Variants in PPP1R3F observed in about 807,000 individuals in gnomAD.
The protein encoded by PPP1R3F is protein phosphatase 1, regulatory (inhibitor) subunit 3F.
A neutral mutation model predicts 24.2 loss-of-function variants in PPP1R3F; 29 were observed. The ratio of observed to expected loss-of-function variants is 1.20; its 90% CI spans 0.89 to 1.63. The LOEUF (loss-of-function observed/expected upper bound fraction) is 1.63, where lower values mean the gene tolerates loss of function less well. Ranked by LOEUF, PPP1R3F falls within the 40% of genes most tolerant of loss-of-function variation. The probability of loss-of-function intolerance (pLI) is 0.00; values close to 1 mark genes in which losing one functional copy is unlikely to be tolerated. For missense variants in PPP1R3F, 823 were observed against 729.3 expected (o/e 1.13, Z -1.48); for synonymous variants, 363 against 340.1 (o/e 1.07, Z -0.74).
intron 1 of PPP1R3F, among the ~76,000 whole-genome samples, chrX:49,280,317 C>T (rs782090839): frequency 1.1e-4 from 12 of 111,391 alleles, no homozygotes; most frequent in South Asian, 7.5e-4. Flanking sequence ...GGTGTGATTT[C>T]GGCTCACTGC....
At chrX:49,294,271 T>G (rs1007494079) in intron 3 of PPP1R3F, among the ~76,000 whole-genome samples, 11 of 108,984 alleles carry the variant, frequency 1.0e-4, no homozygotes, top group African/African-American at 3.3e-4. Flanking sequence ...CACTACATTT[T>G]TTTTTTTTTG....
At chrX:49,289,031 C>T (rs147001947), downstream of PPP1R3F, among the ~76,000 whole-genome samples, 59 of 110,886 alleles carry the variant, frequency 5.3e-4, no homozygotes, top group East Asian at 0.01. Context: ...GAGGCTGAGG[C>T]GGGACAATCG....
At chrX:49,299,647 T>C (rs2066331981) in intron 3 of PPP1R3F, among the ~76,000 whole-genome samples, 1 of 111,811 alleles carries the variant, frequency 8.9e-6, no homozygotes, top group Non-Finnish European at 1.9e-5. Flanking sequence ...CCCAGAAAGA[T>C]GGGAGTTTTA....
At chrX:49,283,873 ACT>A (rs2066264158) in intron 3 of PPP1R3F, among the ~76,000 whole-genome samples, 1 of 111,380 alleles carries the variant, frequency 9.0e-6, no homozygotes, top group South Asian at 3.7e-4. Flanking sequence ...ACTAGAATTA[ACT>A]CTATTTAATT....
At chrX:49,279,471 G>T (rs1205027492) in intron 1 of PPP1R3F, among the ~76,000 whole-genome samples, 1 of 111,645 alleles carries the variant, frequency 9.0e-6, no homozygotes, top group Admixed American at 9.5e-5. Flanking sequence ...ATCACCTGAG[G>T]TCAGGAGTTT....
At chrX:49,289,164 C>T (rs1235868390), downstream of PPP1R3F, among the ~76,000 whole-genome samples, 4 of 111,617 alleles carry the variant, frequency 3.6e-5, no homozygotes, top group African/African-American at 9.8e-5. Context: ...AAAACACCTT[C>T]GTATACTCAT....
intron 3 of PPP1R3F, among the ~76,000 whole-genome samples, chrX:49,283,886 C>A (rs2066264245): frequency 9.0e-6 from 1 of 110,612 alleles, no homozygotes. Flanking sequence ...CTATTTAATT[C>A]TATTATTCCC....
chrX:49,270,137 GA>G lies in PPP1R3F; in HGVS notation c.270del (p.Glu92ArgfsTer80). On this transcript the variant is annotated frameshift_variant, in exon 1 of 4. Transcript: ENST00000055335. LOFTEE classifies it high-confidence loss of function. ...GGACGACGATGGCGAGGATGGGGAT[GA>G]AGGGGAGGAGGAAGAGGAGGCTTGC... ...DEDDDGEDGDEGEEEEEACPE... is the reference protein window; with the variant it reads ...DEDDDGEDGDXGEEEEEACPE... 1 of 1,070,394 alleles carries G rather than the reference GA, an allele frequency of 9.3e-7. No individual in the cohort carries two copies. The allele number at this position is 1,070,394 out of a possible 1,213,427, so 88.2% of individuals were successfully genotyped here.
chrX:49,269,897 C>A lies in PPP1R3F; in HGVS notation c.28C>A (p.Pro10Thr). 1.1e-6 allele frequency: 1 copy of A among 905,672 alleles called. No individual in the cohort carries two copies. The allele number at this position is 905,672 out of a possible 1,213,427, so 74.6% of individuals were successfully genotyped here. ...GGCGCGTACGGCCCCTGTGGAGCCC[C>A]CGCTGCGGCATTCCGCGCCCCCCTC... Reference protein sequence around the residue: MARTAPVEPPLRHSAPPSPA... With the variant: MARTAPVEPTLRHSAPPSPA... Residue 10 changes from proline to threonine, a missense_variant, in exon 1 of 4, where the codon CCG becomes ACG. Transcript: ENST00000055335.
At chrX:49,294,371 G>A (rs1470956922) in intron 3 of PPP1R3F, among the ~76,000 whole-genome samples, 1 of 107,614 alleles carries the variant, frequency 9.3e-6, no homozygotes, top group Non-Finnish European at 1.9e-5. Flanking sequence ...AGACACATGT[G>A]CCACCACACC....
rs2066292514 is a variant in PPP1R3F at position 49,287,169 on chromosome X, TGA to T, written c.*82_*83del. The T allele has an allele frequency of 8.8e-6, 9 of 1,021,103 alleles. No homozygotes were observed. In the Admixed American group the frequency reaches 1.3e-4, roughly 15 times the overall value. 84.2% of individuals were successfully genotyped at this position (1,021,103 alleles called of 1,213,427 possible). A position where few individuals can be genotyped will look rare whatever the true frequency, so the allele number is the denominator to read the frequency against. ...TGAGGGGACCTGGGTCCTTTGCTTC[TGA>T]GAATGCTCAACTGAAAGAGAGGCCT... On this transcript the variant is annotated 3_prime_UTR_variant, in exon 4 of 4. Coordinates refer to ENST00000055335, the MANE Select transcript of PPP1R3F (RefSeq NM_033215.5).
At chrX:49,297,828 C>CTTTTTTTTTTTTTTTTTT (rs61353822) in intron 3 of PPP1R3F, among the ~76,000 whole-genome samples, 11 of 19,615 alleles carry the variant, frequency 5.6e-4, no homozygotes, top group South Asian at 9.7e-3. Context: ...GCAACCCCTG[C>CTTTTTTTTTTTTTTTTTT]TTTTTTTTTT....
intron 1 of PPP1R3F, among the ~76,000 whole-genome samples, chrX:49,271,892 G>A (rs1290597612): frequency 3.6e-5 from 4 of 111,823 alleles, no homozygotes; most frequent in African/African-American, 6.5e-5. Context: ...ATACCCCAGG[G>A]GGCCCCAGAA....
chrX:49,296,496 G>T (rs2066323203), intron 3 of PPP1R3F, among the ~76,000 whole-genome samples: 1 of 111,177 alleles, frequency 9.0e-6, no homozygotes. Context: ...TTTTTGAAGG[G>T]TTTTTCACCT....
At chrX:49,300,929 CTG>C (rs2066335719) in intron 3 of PPP1R3F, among the ~76,000 whole-genome samples, 1 of 111,790 alleles carries the variant, frequency 8.9e-6, no homozygotes, top group Admixed American at 9.5e-5. Flanking sequence ...TCTAATAAGA[CTG>C]TGGATAGAGT....
At chrX:49,301,298 T>C (rs782361161) in intron 3 of PPP1R3F, 15 of 511,925 alleles carry the variant, frequency 2.9e-5, no homozygotes, top group Non-Finnish European at 3.8e-5. Context: ...TTTAGAATCA[T>C]ATAAATAAAC....
At chrX:49,277,153 C>A (rs943009345) in intron 1 of PPP1R3F, among the ~76,000 whole-genome samples, 1 of 112,907 alleles carries the variant, frequency 8.9e-6, no homozygotes, top group African/African-American at 3.2e-5. Context: ...CTCACCCGCT[C>A]GCTTACTCTG....
Position 49,269,904 on chromosome X carries a change from G to A in PPP1R3F, c.35G>A (p.Arg12Gln). Residue 12 changes from arginine (R) to glutamine (Q), a missense_variant, in exon 1 of 4, where the codon CGG (arginine) becomes CAG (glutamine). By Grantham distance (43) the Arg-to-Gln change is conservative (BLOSUM62 1). Transcript: ENST00000055335. ...ARTAPVEPPL[R>Q]HSAPPSPAAG... Reference sequence around the variant, plus strand: ...ACGGCCCCTGTGGAGCCCCCGCTGCGGCATTCCGCGCCCCCCTCGCCGGCC... The same window carrying A: ...ACGGCCCCTGTGGAGCCCCCGCTGCAGCATTCCGCGCCCCCCTCGCCGGCC... 1.1e-6 allele frequency: 1 copy of A among 906,714 alleles called. No individual in the cohort carries two copies. The highest frequency in any genetic ancestry group is 1.4e-6 in the Non-Finnish European group (1 of 736,077). 74.7% of individuals were successfully genotyped at this position (906,714 alleles called of 1,213,427 possible).
chrX:49,294,680 G>T (rs1436023895), intron 3 of PPP1R3F, among the ~76,000 whole-genome samples: 2 of 108,949 alleles, frequency 1.8e-5, no homozygotes, highest in African/African-American at 3.3e-5. Flanking sequence ...GAGGCTGAGG[G>T]GGGGTGGATC....
Sources: gnomAD v4.1 joint callset for allele counts (sites outside exome capture counted in the v4.1 genomes callset) on GRCh38, gnomAD v4.1.1 for gene constraint, MANE v1.5 for transcripts, NCBI Gene and HGNC (gene_info 2026-07-23, HGNC 2026-07-21) for gene names.